Variants in GSE1 observed in about 807,000 individuals in gnomAD.
GSE1 encodes the protein Gse1 coiled-coil protein.
A neutral mutation model predicts 112.6 loss-of-function variants in GSE1; 32 were observed. The ratio of observed to expected loss-of-function variants is 0.28; its 90% confidence interval spans 0.21 to 0.38. The LOEUF is 0.38. GSE1 is among the 10% of genes least tolerant of loss of function. GSE1 has a pLI of 1.00. For missense variants in GSE1, 2,348 were observed against 1,699.2 expected, an observed-to-expected ratio of 1.38 and a Z score of -6.71; for synonymous variants, 1,115 against 735.6, an observed-to-expected ratio of 1.52 and a Z score of -8.35.
Position 85,537,120 on chromosome 16 carries a change from C to T in GSE1, c.2465-96794C>T, listed in dbSNP as rs541154259. 6.6e-5 allele frequency among the ~76,000 whole-genome samples: 10 copies of T among 152,296 alleles called. 1 individual carries two copies. The South Asian group carries it at 1.5e-3, about 22-fold the overall frequency. The stretch of plus-strand genomic sequence containing the variant: ...AGACAGGAGGGAGATTCCAGCTGCC[C>T]GTTCTGTGGCTCATTAGTGGCTCTG... On this transcript the variant is annotated intron_variant, in intron 2 of 2. Coordinates refer to the GSE1 transcript ENST00000637419.
At chr16:85,314,286 G>T (rs2045938004) in intron 1 of GSE1, among the ~76,000 whole-genome samples, 1 of 152,164 alleles carries the variant, frequency 6.6e-6, no homozygotes, top group Admixed American at 6.5e-5. Context: ...GCCAAAATAG[G>T]GGGACGTGAA....
intron 2 of GSE1, among the ~76,000 whole-genome samples, chr16:85,513,393 T>G (rs879680680): frequency 1.1e-4 from 16 of 152,146 alleles, no homozygotes; most frequent in African/African-American, 3.6e-4. Flanking sequence ...CATTTGCTCC[T>G]GAGTATTGTG....
chr16:85,206,566 G>A (rs538674143), intron 1 of GSE1, among the ~76,000 whole-genome samples: 1 of 152,254 alleles, frequency 6.6e-6, no homozygotes, highest in Admixed American at 6.5e-5. Context: ...AGCCAGGTGG[G>A]GCTTGGCATG....
At chr16:85,634,958 G>C (rs376811495) in intron 2 of GSE1, among the ~76,000 whole-genome samples, 48 of 152,228 alleles carry the variant, frequency 3.2e-4, no homozygotes, top group African/African-American at 6.5e-4. Flanking sequence ...CAGGCGGGGG[G>C]GCTGAGGAAA....
intron 1 of GSE1, among the ~76,000 whole-genome samples, chr16:85,275,181 G>A (rs1303285707): frequency 6.6e-6 from 1 of 152,182 alleles, no homozygotes; most frequent in East Asian, 1.9e-4. Context: ...CCTGGACCAC[G>A]TGGCCTGAAG....
intron 2 of GSE1, among the ~76,000 whole-genome samples, chr16:85,464,732 G>C (rs2050077202): frequency 6.6e-6 from 1 of 152,236 alleles, no homozygotes; most frequent in African/African-American, 2.4e-5. Context: ...CCCTGTCCAG[G>C]TGCAGAGGCC....
intron 2 of GSE1, among the ~76,000 whole-genome samples, chr16:85,378,433 A>C (rs1597535786): frequency 6.6e-6 from 1 of 152,136 alleles, no homozygotes; most frequent in East Asian, 1.9e-4. Flanking sequence ...GGGTGGAGGC[A>C]GGAAGCCTTT....
chr16:85,450,020 A>C (rs2049629427), intron 2 of GSE1, among the ~76,000 whole-genome samples: 2 of 151,822 alleles, frequency 1.3e-5, no homozygotes, highest in African/African-American at 4.8e-5. Flanking sequence ...CTTGGTGTAG[A>C]ATCGGAACCA....
intron 1 of GSE1, among the ~76,000 whole-genome samples, chr16:85,325,940 G>T (rs1040944066): frequency 1.3e-5 from 2 of 149,998 alleles, no homozygotes; most frequent in African/African-American, 2.5e-5. Flanking sequence ...GTAGAGAGGG[G>T]GTTTCACCAT....
At chr16:85,577,640 T>C (rs1016065405) in intron 1 of GSE1, among the ~76,000 whole-genome samples, 11 of 151,510 alleles carry the variant, frequency 7.3e-5, no homozygotes, top group African/African-American at 2.4e-4. Context: ...CCAGGGTGAG[T>C]GTGGCACAGA....
At chr16:85,327,637 G>T (rs905102034) in intron 1 of GSE1, among the ~76,000 whole-genome samples, 4 of 152,128 alleles carry the variant, frequency 2.6e-5, no homozygotes, top group African/African-American at 9.7e-5. Flanking sequence ...AAAACTAGAA[G>T]GTTGTGGAAG....
chr16:85,222,874 T>C (rs1347179689), intron 1 of GSE1, among the ~76,000 whole-genome samples: 1 of 152,154 alleles, frequency 6.6e-6, no homozygotes, highest in Non-Finnish European at 1.5e-5. Flanking sequence ...ATACGGTGGC[T>C]TTTCTTCTGT....
chr16:85,281,940 A>G (rs750154709), intron 1 of GSE1, among the ~76,000 whole-genome samples: 4 of 152,058 alleles, frequency 2.6e-5, no homozygotes, highest in South Asian at 4.1e-4. Context: ...TTTGCCACCC[A>G]CATGCAGAGC....
At chr16:85,307,613 C>CACAG (rs55924118) in intron 1 of GSE1, among the ~76,000 whole-genome samples, 130,290 of 151,886 alleles carry the variant, frequency 0.86, 56,184 homozygotes, top group African/African-American at 0.94. Flanking sequence ...TGATGGCACA[C>CACAG]AGCATTGCCA....
intron 1 of GSE1, among the ~76,000 whole-genome samples, chr16:85,313,625 G>T (rs565437285): frequency 1.3e-5 from 2 of 152,184 alleles, no homozygotes; most frequent in African/African-American, 2.4e-5. Context: ...GCCCTAGGCT[G>T]GGGGGTGGGG....
In GSE1 at chr16:85,240,404, A is replaced by G. The variant is rs538522794; in HGVS notation, c.2283+68597A>G. Among the ~76,000 whole-genome samples, 5 of 152,070 alleles carry G rather than the reference A, an allele frequency of 3.3e-5. No individual in the cohort carries two copies. In the East Asian group the frequency reaches 7.8e-4, roughly 24 times the overall value. ...GTAGACCAGACCCCCACCAAGGGGGAGGGGGGTGGAGTGTCAGCATCCGGC... is the reference window on the plus strand; with the variant it reads ...GTAGACCAGACCCCCACCAAGGGGGGGGGGGGTGGAGTGTCAGCATCCGGC... On this transcript the variant is annotated intron_variant, in intron 1 of 2. Transcript: ENST00000637419.
intron 2 of GSE1, among the ~76,000 whole-genome samples, chr16:85,418,047 C>T (rs1338743453): frequency 6.6e-6 from 1 of 152,194 alleles, no homozygotes; most frequent in African/African-American, 2.4e-5. Context: ...CCATCTTGAC[C>T]AGGCTGGTCT....
intron 2 of GSE1, among the ~76,000 whole-genome samples, chr16:85,531,580 G>C (rs2044138362): frequency 6.6e-6 from 1 of 152,228 alleles, no homozygotes; most frequent in African/African-American, 2.4e-5. Context: ...ACCTTACACA[G>C]AATGTTCTGG....
At position 85,574,123 on chromosome 16, in the gene GSE1, C is replaced by G. The variant is rs149246878; in HGVS notation, c.37+17760C>G. On this transcript the variant is annotated intron_variant, in intron 1 of 2. Coordinates refer to the GSE1 transcript ENST00000635906. ...AGCAGCCCCCGGAGCCTGAGTTTTT[C>G]TTGGAAGGCGTCCAACTGGTGCAGA... 4.3e-3 allele frequency among the ~76,000 whole-genome samples: 655 copies of G among 152,332 alleles called. 2 individuals carry two copies. Among genetic ancestry groups the G allele is most frequent in the Middle Eastern group, 0.01 (3 of 294 alleles).
Sources: gnomAD v4.1 joint callset for allele counts (sites outside exome capture counted in the v4.1 genomes callset) on GRCh38, gnomAD v4.1.1 for gene constraint, MANE v1.5 for transcripts, NCBI Gene and HGNC (gene_info 2026-07-23, HGNC 2026-07-21) for gene names.